CCDC178: variants seen among roughly 807,000 people sequenced by gnomAD.
CCDC178 encodes the protein coiled-coil domain containing 178, also known as coiled-coil domain-containing protein 178.
A neutral mutation model predicts 117.4 loss-of-function variants in CCDC178; 126 were observed. The observed-to-expected ratio is 1.07, with a 90% CI of 0.93 to 1.24. The LOEUF (loss-of-function observed/expected upper bound fraction) is 1.24. CCDC178 is among the 50% of genes most tolerant of loss of function. The pLI is 0.00. For missense variants in CCDC178, 1,030 were observed against 986.9 expected, an observed-to-expected ratio of 1.04 and a Z score of -0.59; for synonymous variants, 283 against 313.4, an observed-to-expected ratio of 0.90 and a Z score of 1.02.
intron 21 of CCDC178, among the ~76,000 whole-genome samples, chr18:33,038,031 G>A (rs2056477031): frequency 6.6e-6 from 1 of 151,944 alleles, no homozygotes; most frequent in African/African-American, 2.4e-5. Context: ...GCAAATTATG[G>A]AGAATTAGAT....
chr18:33,369,282 A>C (rs1007905147), intron 6 of CCDC178, among the ~76,000 whole-genome samples: 1 of 151,942 alleles, frequency 6.6e-6, no homozygotes, highest in Non-Finnish European at 1.5e-5. Context: ...GTCACTCTAA[A>C]GCCTGCAATC....
At chr18:33,180,884 G>A (rs1293935899) in intron 20 of CCDC178, among the ~76,000 whole-genome samples, 1 of 152,042 alleles carries the variant, frequency 6.6e-6, no homozygotes, top group East Asian at 1.9e-4. Context: ...ACAATAGCTT[G>A]CTATCAAATT....
chr18:32,938,714 AT>A (rs2054173765), intron 22 of CCDC178, among the ~76,000 whole-genome samples: 2 of 152,182 alleles, frequency 1.3e-5, no homozygotes, highest in Non-Finnish European at 2.9e-5. Flanking sequence ...GTAATGTAGG[AT>A]CCCCACTGTT....
chr18:33,384,301 T>C (rs1014392787), intron 5 of CCDC178, among the ~76,000 whole-genome samples: 1 of 152,078 alleles, frequency 6.6e-6, no homozygotes, highest in South Asian at 2.1e-4. Context: ...CAGGACACCA[T>C]CCAGGAGAAC....
At chr18:33,371,341 C>G (rs151289874) in intron 5 of CCDC178, among the ~76,000 whole-genome samples, 108 of 151,664 alleles carry the variant, frequency 7.1e-4, no homozygotes, top group African/African-American at 2.3e-3. Context: ...AAATATGTGC[C>G]AGACATAAAG....
chr18:33,107,518 A>T (rs2057723661), intron 20 of CCDC178, among the ~76,000 whole-genome samples: 1 of 151,708 alleles, frequency 6.6e-6, no homozygotes, highest in Non-Finnish European at 1.5e-5. Context: ...TCTAACTTCT[A>T]AAACTCTGAA....
At chr18:33,349,287 A>G (rs1568167461) in intron 7 of CCDC178, among the ~76,000 whole-genome samples, 1 of 151,944 alleles carries the variant, frequency 6.6e-6, no homozygotes, top group Non-Finnish European at 1.5e-5. Context: ...GTATTCTGTG[A>G]GAATAATTTG....
chr18:33,360,556 TG>T (rs1354045137), intron 6 of CCDC178, among the ~76,000 whole-genome samples: 1 of 151,218 alleles, frequency 6.6e-6, no homozygotes, highest in Non-Finnish European at 1.5e-5. Flanking sequence ...AAATTGAAAA[TG>T]AAAAAAGGAA....
chr18:33,396,223 C>T (rs1483025662), intron 4 of CCDC178, among the ~76,000 whole-genome samples: 3 of 151,878 alleles, frequency 2.0e-5, no homozygotes, highest in Non-Finnish European at 4.4e-5. Context: ...AATAATCAGG[C>T]AAATTTAAAT....
At chr18:33,438,099 G>A (rs2064316842) in intron 2 of CCDC178, among the ~76,000 whole-genome samples, 1 of 152,224 alleles carries the variant, frequency 6.6e-6, no homozygotes. Flanking sequence ...GCATCAACCA[G>A]TCCAGAAAGC....
At chr18:33,292,738 C>G (rs976748887) in intron 12 of CCDC178, among the ~76,000 whole-genome samples, 1 of 151,994 alleles carries the variant, frequency 6.6e-6, no homozygotes, top group African/African-American at 2.4e-5. Flanking sequence ...AAGTTTTTGT[C>G]TGAAGTTTTT....
chr18:33,122,387 C>G (rs1413603275), intron 20 of CCDC178, among the ~76,000 whole-genome samples: 1 of 151,988 alleles, frequency 6.6e-6, no homozygotes, highest in Non-Finnish European at 1.5e-5. Context: ...TATAGAGAGA[C>G]AGAAGGTATA....
intron 21 of CCDC178, among the ~76,000 whole-genome samples, chr18:33,044,069 ATG>A (rs1046887024): frequency 1.0e-3 from 148 of 146,538 alleles, no homozygotes; most frequent in African/African-American, 3.2e-3. Context: ...GTGTGTGTGT[ATG>A]TGTGTGTGTG....
At chr18:33,280,436 T>C (rs944286458) in intron 12 of CCDC178, among the ~76,000 whole-genome samples, 5 of 151,320 alleles carry the variant, frequency 3.3e-5, no homozygotes, top group African/African-American at 1.2e-4. Context: ...TGGCAATCAT[T>C]AAAAAGTCAG....
At chr18:32,995,099 C>T (rs1318720231) in intron 21 of CCDC178, among the ~76,000 whole-genome samples, 2 of 152,176 alleles carry the variant, frequency 1.3e-5, no homozygotes, top group Admixed American at 6.5e-5. Context: ...AATGGAATTA[C>T]ATGGGCTCAG....
chr18:33,071,344 T>A (rs1368414012), intron 21 of CCDC178, among the ~76,000 whole-genome samples: 1 of 152,114 alleles, frequency 6.6e-6, no homozygotes, highest in African/African-American at 2.4e-5. Flanking sequence ...GAAATATTAT[T>A]ATAAAGGTAT....
chr18:33,275,005 T>C (rs1048611406), intron 12 of CCDC178, among the ~76,000 whole-genome samples: 8 of 152,200 alleles, frequency 5.3e-5, no homozygotes, highest in African/African-American at 1.4e-4. Flanking sequence ...TGATAATAAA[T>C]GTACAACTTC....
chr18:33,039,983 C>T (rs1028428119), intron 21 of CCDC178, among the ~76,000 whole-genome samples: 10 of 151,702 alleles, frequency 6.6e-5, no homozygotes, highest in African/African-American at 2.4e-4. Flanking sequence ...CAAGAAAATC[C>T]AGGATTTATA....
At chr18:33,029,540 A>G (rs796977855) in intron 21 of CCDC178, among the ~76,000 whole-genome samples, 3 of 151,720 alleles carry the variant, frequency 2.0e-5, no homozygotes, top group African/African-American at 7.2e-5. Flanking sequence ...TTTCCTTTTT[A>G]TATCCTTGCT....
Sources: allele counts gnomAD v4.1 joint callset (sites outside exome capture counted in the v4.1 genomes callset), GRCh38; gene constraint gnomAD v4.1.1; transcripts MANE v1.5; gene names NCBI Gene and HGNC (gene_info 2026-07-23, HGNC 2026-07-21).